The following SRRM2 variants were observed in gnomAD, a reference collection of about 807,000 sequenced individuals.
SRRM2 encodes the protein serine/arginine repetitive matrix protein 2.
A neutral mutation model predicts 213.8 loss-of-function variants in SRRM2; 30 were observed. The ratio of observed to expected loss-of-function variants is 0.14; its 90% CI spans 0.10 to 0.19. The LOEUF is 0.19. Among genes scored for constraint, SRRM2 ranks in the 10% least tolerant of loss-of-function variants. SRRM2 has a pLI of 1.00. For missense variants in SRRM2, 4,904 were observed against 3,647.0 expected, an observed-to-expected ratio of 1.34 and a Z score of -8.88; for synonymous variants, 2,025 against 1,377.7, an observed-to-expected ratio of 1.47 and a Z score of -10.40.
At chr16:2,758,093 G>A in intron 4 of SRRM2, 148 bp downstream of exon 4, 1 of 966,944 alleles carries the variant, frequency 1.0e-6, no homozygotes, top group Non-Finnish European at 1.5e-6. Flanking sequence ...TGTGTCCAAG[G>A]GTTAGTCACA....
Position 2,769,161 on chromosome 16 carries a change from C to T in SRRM2, c.7898C>T (p.Ser2633Phe). The change falls in exon 12 of 15, where the codon TCT becomes TTT. Residue 2633 changes from serine to phenylalanine, a missense_variant. Coordinates refer to ENST00000301740, the MANE Select transcript of SRRM2 (RefSeq NM_016333.4). ...TCCTCTTCTTCCTCCTCCTCTTCCT[C>T]TTCTTCTTCTTCCTCCTCATCTTCC... is the stretch of plus-strand genomic sequence containing the variant. ...SSSSSSSSSS[S>F]SSSSSSSSSS... 6.2e-7 allele frequency: 1 copy of T among 1,603,468 alleles called. No homozygotes were observed. The highest frequency in any genetic ancestry group is 8.5e-7 in the Non-Finnish European group (1 of 1,172,770).
chr16:2,771,403 A>T lies in SRRM2; in HGVS notation c.*536A>T. On this transcript the variant is annotated 3_prime_UTR_variant, in exon 15 of 15. Transcript: ENST00000301740. ...CTTTTTCTGTCAAATAAAAATGAGAAATGCAGGAACTGGGTCTGTAGACTG... is the reference window on the plus strand; with the variant it reads ...CTTTTTCTGTCAAATAAAAATGAGATATGCAGGAACTGGGTCTGTAGACTG... The T allele has an allele frequency of 6.2e-7, 1 of 1,611,092 alleles. No homozygotes were observed. The highest frequency in any genetic ancestry group is 2.2e-5 in the East Asian group (1 of 44,870).
rs767677390 is a variant in SRRM2 at position 2,760,280 on chromosome 16, G to T, written c.834-21G>T. The T allele has an allele frequency of 1.9e-6, 3 of 1,608,098 alleles. No individual in the cohort carries two copies. In the African/African-American group the frequency reaches 4.0e-5, roughly 21 times the overall value. ...TGAGCTGATTTCCTTCCTCTCCCAC[G>T]TCCTCAATTAACTCCTGCAGGTCTC... On this transcript the variant is annotated intron_variant, in intron 9 of 14. Transcript: ENST00000301740.
Position 2,768,332 on chromosome 16 carries a change from A to G in SRRM2, c.7733+71A>G. 1.0e-5 allele frequency: 15 copies of G among 1,479,302 alleles called. No individual in the cohort carries two copies. The South Asian group carries it at 1.8e-4, about 18-fold the overall frequency. The allele number at this position is 1,479,302 out of a possible 1,614,324, so 91.6% of individuals were successfully genotyped here. On this transcript the variant is annotated intron_variant, in intron 11 of 14. Coordinates refer to ENST00000301740, the MANE Select transcript of SRRM2 (RefSeq NM_016333.4). Reference sequence around the variant, plus strand: ...GGGATGGGTTGGGGAGTGGGGAGGGAGAAACCATGTCACAGGTGCTTGGCT... The same window carrying G: ...GGGATGGGTTGGGGAGTGGGGAGGGGGAAACCATGTCACAGGTGCTTGGCT...
chr16:2,760,678 G>T (rs1435004840), intron 10 of SRRM2, 179 bp downstream of exon 10: 14 of 653,122 alleles, frequency 2.1e-5, no homozygotes, highest in Non-Finnish European at 3.4e-5. Flanking sequence ...TTACTAGACT[G>T]AATTGTGAAC....
Position 2,762,970 on chromosome 16 carries a change from C to T in SRRM2, c.2442C>T (p.Arg814=), listed in dbSNP as rs761923674. The change falls in exon 11 of 15, where the codon CGC becomes CGT. Residue 814 remains arginine, a synonymous_variant. Coordinates refer to ENST00000301740, the MANE Select transcript of SRRM2 (RefSeq NM_016333.4). The part of the protein sequence containing the change: ...PKAKSRTPPR[R]SRSSSSPPPK... The stretch of plus-strand genomic sequence containing the variant: ...CTAAATCTAGAACGCCACCCAGACG[C>T]AGTCGCTCCAGTTCTTCTCCGCCAC... The T allele has an allele frequency of 3.1e-6, 5 of 1,613,982 alleles. No homozygotes were observed. Among genetic ancestry groups the T allele is most frequent in the South Asian group, 2.2e-5 (2 of 91,086 alleles).
chr16:2,759,076 G>A (rs1567222652), intron 6 of SRRM2, 29 bp downstream of exon 6: 14 of 1,614,180 alleles, frequency 8.7e-6, no homozygotes, highest in South Asian at 6.6e-5. Flanking sequence ...TGAATGACTG[G>A]AGAAGGTTTG....
Position 2,764,679 on chromosome 16 carries a change from C to T in SRRM2, c.4151C>T (p.Ser1384Phe), listed in dbSNP as rs1166526380. The T allele has an allele frequency of 6.2e-7, 1 of 1,614,122 alleles. No individual in the cohort carries two copies. The highest frequency in any genetic ancestry group is 8.5e-7 in the Non-Finnish European group (1 of 1,180,038). Reference protein sequence around the residue: ...QSTRSSGHSSSELSPDAVEKA... With the variant: ...QSTRSSGHSSFELSPDAVEKA... The stretch of plus-strand genomic sequence containing the variant: ...ACAAGATCCTCTGGACACAGCAGTT[C>T]TGAGTTATCCCCAGATGCAGTGGAA... Residue 1384 changes from serine (S) to phenylalanine (F), a missense_variant, in exon 11 of 15, where the codon TCT becomes TTT. Physicochemically the swap from Ser to Phe is radical, Grantham distance 155. Coordinates refer to ENST00000301740, the MANE Select transcript of SRRM2 (RefSeq NM_016333.4).
At chr16:2,768,345 C>G in intron 11 of SRRM2, 84 bp downstream of exon 11, 1 of 1,451,968 alleles carries the variant, frequency 6.9e-7, no homozygotes, top group Non-Finnish European at 9.2e-7. Flanking sequence ...AACCATGTCA[C>G]AGGTGCTTGG....
rs143405071 is a variant in SRRM2, at chr16:2,756,453, G to C, written c.89G>C (p.Arg30Pro). ...AACCTGTCCCTGGTGCGGGGCCGCC[G>C]GGGTGAGCGGCCTGACTACAAGGGA... Reference protein sequence around the residue: ...QRNLSLVRGRRGERPDYKGEE... With the variant: ...QRNLSLVRGRPGERPDYKGEE... Residue 30 changes from arginine to proline, a missense_variant, in exon 2 of 15, where the codon CGG becomes CCG. By Grantham distance (103) the Arg-to-Pro change is moderately radical. Transcript: ENST00000301740. 1 of 1,613,264 alleles carries C rather than the reference G, an allele frequency of 6.2e-7. No homozygotes were observed. The highest frequency in any genetic ancestry group is 8.5e-7 in the Non-Finnish European group (1 of 1,179,708).
At position 2,761,728 on chromosome 16, in the gene SRRM2, T is replaced by C. The variant is rs924219840; in HGVS notation, c.1200T>C (p.Thr400=). The C allele has an allele frequency of 3.2e-5, 51 of 1,609,406 alleles. No individual in the cohort carries two copies. The highest frequency in any genetic ancestry group is 4.0e-5 in the Non-Finnish European group (47 of 1,177,772). Residue 400 remains threonine (T), a synonymous_variant, in exon 11 of 15, where the codon ACT becomes ACC. Transcript: ENST00000301740. The stretch of plus-strand genomic sequence containing the variant: ...ACCCCCCATCTGAGGCCTCTCCAAC[T>C]CGGGACCGTTCACCACCTAAGTCTC... The part of the protein sequence containing the change: ...PVNPPSEASP[T]RDRSPPKSPE...
At chr16:2,769,997 C>G (rs1035508854) in intron 12 of SRRM2, 5 of 526,752 alleles carry the variant, frequency 9.5e-6, no homozygotes, top group Non-Finnish European at 1.7e-5. Context: ...TTCGAGAAGA[C>G]TGCCCTGCCC....
At chr16:2,754,227 G>A (rs958853132) in intron 1 of SRRM2, among the ~76,000 whole-genome samples, 12 of 151,752 alleles carry the variant, frequency 7.9e-5, no homozygotes, top group African/African-American at 2.9e-4. Context: ...GGACTAGGTG[G>A]CTCATTCCCT....
rs776379600 is a variant in SRRM2 at position 2,757,442 on chromosome 16, A to G, written c.243-30A>G. 15 of 1,603,898 alleles carry G rather than the reference A, an allele frequency of 9.4e-6. No homozygotes were observed. In the South Asian group the frequency reaches 1.4e-4, roughly 15 times the overall value. On this transcript the variant is annotated intron_variant, in intron 2 of 14. Transcript: ENST00000301740. ...TGGGACTGGGGAAAGTGTCCTGTCGAGCTTAACCCTGAAGGGATTTGTTCT... is the reference window on the plus strand; with the variant it reads ...TGGGACTGGGGAAAGTGTCCTGTCGGGCTTAACCCTGAAGGGATTTGTTCT...
rs147957204 is a variant in SRRM2, at chr16:2,766,730, T to G, written c.6202T>G (p.Leu2068Val). ...ACGAACAGCTCGGGGTAAACGGTCC[T>G]TAACAAGATCTCCTCCAGCCATCCG... ...TPRTARGKRS[L>V]TRSPPAIRRR... The change falls in exon 11 of 15, where the codon TTA (leucine) becomes GTA (valine). Residue 2068 changes from leucine to valine, a missense_variant. Transcript: ENST00000301740. The surrounding 1 kb of genome is among the most constrained non-coding windows in gnomAD (Gnocchi z 7.0). 250 of 1,614,192 alleles carry G rather than the reference T, an allele frequency of 1.5e-4. No individual in the cohort carries two copies. The Middle Eastern group carries it at 2.3e-3, about 15-fold the overall frequency.
At chr16:2,768,607 C>T (rs1374159185) in intron 11 of SRRM2, 3 of 630,922 alleles carry the variant, frequency 4.8e-6, no homozygotes, top group Admixed American at 2.1e-5. Context: ...GAGGTCATCC[C>T]ATCCCTCTCC....
At chr16:2,758,117 G>T (rs2068212746) in intron 4 of SRRM2, among the ~76,000 whole-genome samples, 172 bp downstream of exon 4, 2 of 152,188 alleles carry the variant, frequency 1.3e-5, no homozygotes, top group Admixed American at 1.3e-4. Context: ...GGTCACGCGC[G>T]TAATCCCAGC....
At chr16:2,756,187 G>A in intron 1 of SRRM2, 147 bp from the exon 2 acceptor site, 1 of 808,592 alleles carries the variant, frequency 1.2e-6, no homozygotes, top group South Asian at 1.9e-5. Flanking sequence ...GGGAGACCAG[G>A]AGGATGGTGG....
chr16:2,756,317 T>C lies in SRRM2; in HGVS notation c.-31-17T>C, dbSNP rs1332093241. 6.5e-7 allele frequency: 1 copy of C among 1,530,646 alleles called. No individual in the cohort carries two copies. The highest frequency in any genetic ancestry group is 8.7e-7 in the Non-Finnish European group (1 of 1,144,540). 94.8% of individuals were successfully genotyped at this position (1,530,646 alleles called of 1,614,324 possible). On this transcript the variant is annotated splice_polypyrimidine_tract_variant and intron_variant, in intron 1 of 14. Coordinates refer to ENST00000301740, the MANE Select transcript of SRRM2 (RefSeq NM_016333.4). ...TGGGGCCAGGGGCCTGACCCGTGTC[T>C]CCCCGCTCCCCCTCAGGAGCGGTGG...
Sources: gnomAD v4.1 joint callset for allele counts (sites outside exome capture counted in the v4.1 genomes callset) on GRCh38, gnomAD v4.1.1 for gene constraint, Gnocchi (gnomAD v3.1) non-coding constraint, MANE v1.5 for transcripts, NCBI Gene and HGNC (gene_info 2026-07-23, HGNC 2026-07-21) for gene names.